FOCAD: variants seen among roughly 807,000 people sequenced by gnomAD.
FOCAD encodes the protein focadhesin.
A neutral mutation model predicts 225.6 loss-of-function variants in FOCAD; 198 were observed. The ratio of observed to expected loss-of-function variants is 0.88; its 90% CI spans 0.78 to 0.99. The LOEUF is 0.99. Ranked by LOEUF, FOCAD falls within the 50% of genes least tolerant of loss-of-function variation. FOCAD has a pLI of 0.00. For missense variants in FOCAD, 2,713 were observed against 2,123.6 expected, an observed-to-expected ratio of 1.28 and a Z score of -5.46; for synonymous variants, 897 against 755.0, an observed-to-expected ratio of 1.19 and a Z score of -3.08.
intron 20 of FOCAD, among the ~76,000 whole-genome samples, chr9:20,882,714 A>G (rs188129432): frequency 4.2e-4 from 64 of 152,336 alleles, no homozygotes; most frequent in African/African-American, 1.4e-3. Context: ...CATCTTGGCA[A>G]TCATGTGGAG....
At chr9:20,796,039 C>G (rs1466778654) in intron 11 of FOCAD, among the ~76,000 whole-genome samples, 3 of 151,498 alleles carry the variant, frequency 2.0e-5, no homozygotes, top group African/African-American at 7.3e-5. Flanking sequence ...TGTTCAATTC[C>G]CACCTATGAG....
At chr9:20,994,358 G>A (rs747130151) in intron 43 of FOCAD, among the ~76,000 whole-genome samples, 1 of 152,194 alleles carries the variant, frequency 6.6e-6, no homozygotes, top group Non-Finnish European at 1.5e-5. Context: ...GCTTGTTCTT[G>A]TCCTTCATGT....
chr9:20,672,727 A>C (rs947106814), intron 2 of FOCAD, among the ~76,000 whole-genome samples: 18 of 152,262 alleles, frequency 1.2e-4, no homozygotes, highest in African/African-American at 4.3e-4. Context: ...TTAGGATTAC[A>C]GGCGTGAGCC....
chr9:20,935,890 G>GT (rs574293073), intron 28 of FOCAD, among the ~76,000 whole-genome samples: 2 of 152,118 alleles, frequency 1.3e-5, no homozygotes, highest in African/African-American at 4.8e-5. Context: ...TAACCCCATG[G>GT]TTTTTAAGTT....
chr9:20,959,953 A>G (rs982151522), intron 35 of FOCAD, among the ~76,000 whole-genome samples: 2 of 152,216 alleles, frequency 1.3e-5, no homozygotes, highest in Admixed American at 6.5e-5. Flanking sequence ...TGTAAAATGC[A>G]TAGAAAAGTA....
At chr9:20,908,395 C>A (rs1418445010) in intron 22 of FOCAD, among the ~76,000 whole-genome samples, 2 of 152,004 alleles carry the variant, frequency 1.3e-5, no homozygotes, top group East Asian at 3.9e-4. Flanking sequence ...TACAACCCAT[C>A]TTACAGATCT....
chr9:20,815,541 C>G (rs1425196222), intron 11 of FOCAD, among the ~76,000 whole-genome samples: 1 of 150,378 alleles, frequency 6.6e-6, no homozygotes, highest in Non-Finnish European at 1.5e-5. Context: ...CCTTTCAGCA[C>G]TTTAAATATA....
intron 5 of FOCAD, among the ~76,000 whole-genome samples, chr9:20,751,671 C>T (rs887294722): frequency 6.8e-6 from 1 of 147,298 alleles, no homozygotes; most frequent in African/African-American, 2.5e-5. Context: ...GGGTATATAC[C>T]CAGTAATGGG....
intron 1 of FOCAD, among the ~76,000 whole-genome samples, chr9:20,692,039 G>T (rs1408413585): frequency 6.6e-6 from 1 of 152,072 alleles, no homozygotes; most frequent in Non-Finnish European, 1.5e-5. Flanking sequence ...TGTGAGCCAC[G>T]GCACCTGGCC....
intron 1 of FOCAD, among the ~76,000 whole-genome samples, chr9:20,702,951 G>A (rs1259146959): frequency 6.6e-6 from 1 of 152,110 alleles, no homozygotes; most frequent in African/African-American, 2.4e-5. Context: ...ATAGTGGTAA[G>A]AGCTGAGATC....
At chr9:20,906,284 A>G (rs1463558729) in intron 21 of FOCAD, among the ~76,000 whole-genome samples, 1 of 151,920 alleles carries the variant, frequency 6.6e-6, no homozygotes, top group Non-Finnish European at 1.5e-5. Context: ...AGTTATCATG[A>G]TTCTGGTGTA....
intron 11 of FOCAD, among the ~76,000 whole-genome samples, chr9:20,793,987 T>A (rs1360747816): frequency 6.6e-6 from 1 of 152,188 alleles, no homozygotes; most frequent in African/African-American, 2.4e-5. Flanking sequence ...AGTTGACATG[T>A]CTCATCATTC....
intron 1 of FOCAD, among the ~76,000 whole-genome samples, chr9:20,697,378 TCCCATC>T (rs913951689): frequency 1.3e-5 from 2 of 152,204 alleles, no homozygotes; most frequent in African/African-American, 4.8e-5. Flanking sequence ...CTGTAGGACT[TCCCATC>T]TCACTGAGAA....
chr9:20,936,304 C>G (rs982974014), intron 28 of FOCAD, among the ~76,000 whole-genome samples: 2 of 152,194 alleles, frequency 1.3e-5, no homozygotes, highest in African/African-American at 4.8e-5. Context: ...TGATTTACAG[C>G]TACATTCATA....
At chr9:20,802,873 T>G (rs943814408) in intron 11 of FOCAD, among the ~76,000 whole-genome samples, 1 of 152,212 alleles carries the variant, frequency 6.6e-6, no homozygotes, top group Non-Finnish European at 1.5e-5. Context: ...GGTCGAATTA[T>G]CTGTTCATTA....
At chr9:20,916,217 A>G (rs1280067437) in intron 23 of FOCAD, among the ~76,000 whole-genome samples, 1 of 152,226 alleles carries the variant, frequency 6.6e-6, no homozygotes, top group Non-Finnish European at 1.5e-5. Flanking sequence ...TTAAAAAAGT[A>G]AATTTGACAG....
intron 21 of FOCAD, among the ~76,000 whole-genome samples, chr9:20,894,473 T>C (rs1831899193): frequency 6.6e-6 from 1 of 152,130 alleles, no homozygotes; most frequent in South Asian, 2.1e-4. Flanking sequence ...AAAGTGGCTA[T>C]ACCATTTCGC....
chr9:20,871,473 C>T (rs1829760630), intron 18 of FOCAD, among the ~76,000 whole-genome samples: 1 of 151,588 alleles, frequency 6.6e-6, no homozygotes, highest in African/African-American at 2.4e-5. Flanking sequence ...TCTCTTGATT[C>T]TCTATAGTTT....
chr9:20,903,859 A>G (rs957364881), intron 21 of FOCAD, among the ~76,000 whole-genome samples: 5 of 151,942 alleles, frequency 3.3e-5, no homozygotes, highest in Non-Finnish European at 5.9e-5. Context: ...AAACATTTCA[A>G]TCTCCTCCTT....
Sources: allele counts gnomAD v4.1 joint callset (sites outside exome capture counted in the v4.1 genomes callset), GRCh38; gene constraint gnomAD v4.1.1; transcripts MANE v1.5; gene names NCBI Gene and HGNC (gene_info 2026-07-23, HGNC 2026-07-21).